Variants in NRXN1 observed in about 807,000 individuals in gnomAD.
NRXN1 encodes the protein neurexin-1.
In NRXN1, 39 loss-of-function variants were observed where a neutral mutation model predicts 150.9. The ratio of observed to expected loss-of-function variants is 0.26; its 90% CI spans 0.20 to 0.34. NRXN1 has a LOEUF of 0.34. Ranked by LOEUF, NRXN1 falls within the 10% of genes least tolerant of loss-of-function variation. The probability of loss-of-function intolerance (pLI) is 1.00; values close to 1 mark genes in which losing one functional copy is unlikely to be tolerated. For missense variants in NRXN1, 1,815 were observed against 1,949.9 expected, an observed-to-expected ratio of 0.93 and a Z score of 1.30; for synonymous variants, 924 against 757.0, an observed-to-expected ratio of 1.22 and a Z score of -3.62.
At position 50,276,730 on chromosome 2, in the gene NRXN1, A is replaced by T. The variant is rs550306112; in HGVS notation, c.3365-39760T>A. On this transcript the variant is annotated intron_variant, in intron 17 of 22. Transcript: ENST00000401669. ...ATCTTTCTCTAACAGACATGTTGCA[A>T]AGCTGCTTGCCATCTTGTAGTCCTA... 5.3e-5 allele frequency among the ~76,000 whole-genome samples: 8 copies of T among 152,306 alleles called. No individual in the cohort carries two copies. In the South Asian group the frequency reaches 1.7e-3, roughly 32 times the overall value.
chr2:50,255,023 G>T (rs1039852493), intron 17 of NRXN1, among the ~76,000 whole-genome samples: 1 of 152,026 alleles, frequency 6.6e-6, no homozygotes, highest in Non-Finnish European at 1.5e-5. Flanking sequence ...ACCTAGGCTA[G>T]TCTTGAATTC....
At chr2:50,511,560 T>G (rs897346546) in intron 12 of NRXN1, among the ~76,000 whole-genome samples, 4 of 152,202 alleles carry the variant, frequency 2.6e-5, no homozygotes, top group Admixed American at 2.6e-4. Context: ...AGCTAAAACC[T>G]ATTGATAACA....
chr2:49,965,654 T>G (rs1391208373), intron 21 of NRXN1, among the ~76,000 whole-genome samples: 8 of 151,982 alleles, frequency 5.3e-5, no homozygotes, highest in Admixed American at 5.2e-4. Context: ...TTCACACTGA[T>G]AGAAAAAAAA....
chr2:49,983,247 G>A (rs906538241), intron 21 of NRXN1, among the ~76,000 whole-genome samples: 2 of 152,002 alleles, frequency 1.3e-5, no homozygotes, highest in African/African-American at 2.4e-5. Flanking sequence ...GGGATGAGCC[G>A]CTGTCCACTT....
At position 49,987,043 on chromosome 2, in the gene NRXN1, GA is replaced by G. The variant is rs111592095; in HGVS notation, c.4129-43253del. On this transcript the variant is annotated intron_variant, in intron 21 of 22. Transcript: ENST00000401669. ...CGTTCCAGCTTGGCTGACAGAGTGA[GA>G]AAAAAAAAAGAAAATATACATTAAA... 6.9e-3 allele frequency among the ~76,000 whole-genome samples: 1,017 copies of G among 146,852 alleles called. 16 individuals are homozygous for G. The highest frequency in any genetic ancestry group is 0.024 in the African/African-American group (970 of 39,960).
chr2:50,534,539 G>C (rs1449985323), intron 10 of NRXN1, among the ~76,000 whole-genome samples: 1 of 152,154 alleles, frequency 6.6e-6, no homozygotes, highest in Non-Finnish European at 1.5e-5. Context: ...TAAAGTTATA[G>C]TGAATTCTAG....
chr2:50,369,250 A>C (rs148965478), intron 17 of NRXN1, among the ~76,000 whole-genome samples: 1 of 152,104 alleles, frequency 6.6e-6, no homozygotes, highest in African/African-American at 2.4e-5. Flanking sequence ...TTTAAAATAA[A>C]CCAAAAAACC....
chr2:50,997,026 C>T (rs1699406085), intron 2 of NRXN1, among the ~76,000 whole-genome samples: 1 of 151,642 alleles, frequency 6.6e-6, no homozygotes, highest in Non-Finnish European at 1.5e-5. Flanking sequence ...TTCAATGGAT[C>T]CTGGAGTTTA....
intron 5 of NRXN1, among the ~76,000 whole-genome samples, chr2:50,670,492 T>G (rs1433209372): frequency 6.6e-6 from 1 of 151,970 alleles, no homozygotes. Flanking sequence ...TTACCATGTA[T>G]GTTCTTCACC....
intron 21 of NRXN1, among the ~76,000 whole-genome samples, chr2:49,983,219 A>T (rs1477696709): frequency 6.6e-6 from 1 of 152,012 alleles, no homozygotes. Flanking sequence ...TCTTTTTCCT[A>T]GATTATTAGC....
At chr2:50,050,490 G>A (rs193207000) in intron 21 of NRXN1, among the ~76,000 whole-genome samples, 1 of 151,986 alleles carries the variant, frequency 6.6e-6, no homozygotes, top group Admixed American at 6.6e-5. Context: ...GTCCAGTGTG[G>A]CTTTTGAAAA....
chr2:50,717,058 G>T (rs1206180392), intron 5 of NRXN1, among the ~76,000 whole-genome samples: 1 of 152,032 alleles, frequency 6.6e-6, no homozygotes, highest in Non-Finnish European at 1.5e-5. Context: ...ACTCAATTCT[G>T]TGCACTGTGT....
chr2:50,996,301 A>G (rs997590166), intron 2 of NRXN1, among the ~76,000 whole-genome samples: 11 of 152,076 alleles, frequency 7.2e-5, no homozygotes, highest in African/African-American at 2.7e-4. Context: ...TGAGATTATC[A>G]TCTCATATCT....
chr2:51,000,050 C>G (rs905165583), intron 2 of NRXN1, among the ~76,000 whole-genome samples: 4 of 151,964 alleles, frequency 2.6e-5, no homozygotes, highest in Non-Finnish European at 4.4e-5. Flanking sequence ...CCTTCAATTA[C>G]CGTGCCCATC....
chr2:50,147,049 C>T (rs1284010906), intron 18 of NRXN1, among the ~76,000 whole-genome samples: 4 of 151,742 alleles, frequency 2.6e-5, no homozygotes, highest in Non-Finnish European at 5.9e-5. Flanking sequence ...CTGTAACACT[C>T]AGTACAAATG....
At chr2:50,832,609 G>T (rs914321508) in intron 5 of NRXN1, among the ~76,000 whole-genome samples, 2 of 152,066 alleles carry the variant, frequency 1.3e-5, no homozygotes, top group African/African-American at 2.4e-5. Flanking sequence ...AGCCAATGTC[G>T]CACCACTGCA....
chr2:50,637,613 C>T (rs992555180), intron 5 of NRXN1: 2 of 152,298 alleles, frequency 1.3e-5, no homozygotes, highest in African/African-American at 4.8e-5. Flanking sequence ...TCCTGGTCTC[C>T]TCTAGGTTTG....
intron 2 of NRXN1, among the ~76,000 whole-genome samples, chr2:50,943,778 GTGAAATAACTTTTTTC>G (rs1689871481): frequency 7.0e-6 from 1 of 143,078 alleles, no homozygotes; most frequent in Non-Finnish European, 1.6e-5. Flanking sequence ...AAAATGTAAT[GTGAAATAACTTTTTTC>G]TGAAAATAAT....
intron 18 of NRXN1, among the ~76,000 whole-genome samples, chr2:50,229,051 G>A (rs565003569): frequency 1.3e-5 from 2 of 152,062 alleles, no homozygotes; most frequent in African/African-American, 4.8e-5. Context: ...TAAAAATTAT[G>A]TCTAGTCCTC....
Sources: allele counts gnomAD v4.1 joint callset (sites outside exome capture counted in the v4.1 genomes callset), GRCh38; gene constraint gnomAD v4.1.1; transcripts MANE v1.5; gene names NCBI Gene and HGNC (gene_info 2026-07-23, HGNC 2026-07-21).